Variants in NRCAM observed in about 807,000 individuals in gnomAD.
The protein encoded by NRCAM is NgCAM-related cell adhesion molecule.
In NRCAM, 83 loss-of-function variants were observed where a neutral mutation model predicts 156.5. The ratio of observed to expected loss-of-function variants is 0.53; its 90% CI spans 0.44 to 0.64. The LOEUF (loss-of-function observed/expected upper bound fraction) is 0.64, where lower values mean the gene tolerates loss of function less well. Ranked by LOEUF, NRCAM falls within the 30% of genes least tolerant of loss-of-function variation. NRCAM has a pLI of 0.00. For missense variants in NRCAM, 1,417 were observed against 1,597.3 expected (o/e 0.89, Z 1.92); for synonymous variants, 538 against 563.9 (o/e 0.95, Z 0.65).
At chr7:108,171,540 C>T (rs1161998623) in intron 28 of NRCAM, among the ~76,000 whole-genome samples, 1 of 152,096 alleles carries the variant, frequency 6.6e-6, no homozygotes, top group Non-Finnish European at 1.5e-5. Flanking sequence ...AACTCCCTGA[C>T]TCATCTGACA....
intron 32 of NRCAM, chr7:108,150,870 T>G: frequency 2.5e-6 from 1 of 395,768 alleles, no homozygotes; most frequent in African/African-American, 2.1e-5. Context: ...GCACTTTAAC[T>G]TAAAAGCTCT....
At chr7:108,163,586 A>T (rs922061681) in intron 30 of NRCAM, among the ~76,000 whole-genome samples, 1 of 152,210 alleles carries the variant, frequency 6.6e-6, no homozygotes, top group Non-Finnish European at 1.5e-5. Flanking sequence ...GGCCTCGTGA[A>T]AACAAATCTG....
intron 3 of NRCAM, among the ~76,000 whole-genome samples, chr7:108,292,686 A>G (rs543383100): frequency 2.8e-4 from 43 of 152,296 alleles, no homozygotes; most frequent in African/African-American, 9.9e-4. Context: ...TAAGGTCTGT[A>G]TGCCTCAATT....
intron 1 of NRCAM, among the ~76,000 whole-genome samples, chr7:108,409,974 G>A (rs1050959779): frequency 1.3e-5 from 2 of 152,112 alleles, no homozygotes; most frequent in African/African-American, 4.8e-5. Flanking sequence ...AGCCAAATAT[G>A]TGTCTCACCT....
In NRCAM at chr7:108,234,475, C is replaced by G. The variant is rs1437791956; in HGVS notation, c.230+108G>C. On this transcript the variant is annotated intron_variant, in intron 6 of 32. Transcript: ENST00000379028. ...AAATATCCAACTGAAAAAGGAAGTG[C>G]TCTACATAGTCTGCCTTGTTTGATG... 5 of 705,930 alleles carry G rather than the reference C, an allele frequency of 7.1e-6. No homozygotes were observed. The Admixed American group carries it at 1.3e-4, about 18-fold the overall frequency. 43.7% of individuals were successfully genotyped at this position (705,930 alleles called of 1,614,324 possible).
At chr7:108,367,458 A>G (rs1595338928) in intron 2 of NRCAM, among the ~76,000 whole-genome samples, 2 of 152,190 alleles carry the variant, frequency 1.3e-5, no homozygotes, top group South Asian at 4.1e-4. Context: ...GGTTCCACCT[A>G]TAAAGATCCT....
At chr7:108,182,960 T>C (rs1354198486) in intron 22 of NRCAM, 40 bp from the exon 23 acceptor site, 1 of 1,503,224 alleles carries the variant, frequency 6.7e-7, no homozygotes, top group Non-Finnish European at 9.2e-7. Context: ...ATAACACAAA[T>C]CAACTGCACA....
intron 3 of NRCAM, among the ~76,000 whole-genome samples, chr7:108,265,984 G>A (rs781481377): frequency 9.9e-5 from 15 of 152,220 alleles, no homozygotes; most frequent in Non-Finnish European, 1.8e-4. Flanking sequence ...GAATAGCTCT[G>A]AACTGTGTAA....
At position 108,347,030 on chromosome 7, in the gene NRCAM, C is replaced by G. The variant is rs565515276; in HGVS notation, c.-173-34299G>C. ...TACATATGTGACTCATATTATATTTCTGTTTTTTTTTTTTTTTTTTTTTTT... is the reference window on the plus strand; with the variant it reads ...TACATATGTGACTCATATTATATTTGTGTTTTTTTTTTTTTTTTTTTTTTT... On this transcript the variant is annotated intron_variant, in intron 2 of 32. Transcript: ENST00000379028. 4.7e-3 allele frequency among the ~76,000 whole-genome samples: 414 copies of G among 88,050 alleles called. 10 individuals carry two copies. The Admixed American group carries it at 0.052, about 11-fold the overall frequency. The allele number at this position is 88,050 out of a possible 152,430, so 57.8% of individuals were successfully genotyped here.
intron 2 of NRCAM, chr7:108,328,321 A>G (rs2099091543): frequency 6.6e-6 from 1 of 152,222 alleles, no homozygotes; most frequent in African/African-American, 2.4e-5. Flanking sequence ...TTTTAAACAA[A>G]TCATTAAAAC....
chr7:108,369,040 A>G (rs1177065876), intron 2 of NRCAM, among the ~76,000 whole-genome samples: 1 of 152,206 alleles, frequency 6.6e-6, no homozygotes, highest in Non-Finnish European at 1.5e-5. Flanking sequence ...TACTTAATGT[A>G]TTCTATATAA....
At chr7:108,341,734 C>T (rs1274768289) in intron 2 of NRCAM, among the ~76,000 whole-genome samples, 1 of 152,078 alleles carries the variant, frequency 6.6e-6, no homozygotes, top group Non-Finnish European at 1.5e-5. Flanking sequence ...GACCCGAGGC[C>T]CAACAAAGAC....
At chr7:108,297,548 C>T (rs2098474972) in intron 3 of NRCAM, among the ~76,000 whole-genome samples, 1 of 152,154 alleles carries the variant, frequency 6.6e-6, no homozygotes, top group Non-Finnish European at 1.5e-5. Context: ...TTCATTCATT[C>T]ATTTGTTCAT....
chr7:108,445,995 A>G (rs1843701199), intron 1 of NRCAM, among the ~76,000 whole-genome samples: 1 of 152,156 alleles, frequency 6.6e-6, no homozygotes, highest in Admixed American at 6.5e-5. Context: ...TCAAATTCAG[A>G]GGGTAGAAAG....
intron 2 of NRCAM, among the ~76,000 whole-genome samples, chr7:108,386,034 C>A (rs2099740000): frequency 6.6e-6 from 1 of 151,966 alleles, no homozygotes; most frequent in Non-Finnish European, 1.5e-5. Context: ...GGAGTGGAAC[C>A]CTCAGTTCCG....
chr7:108,190,774 T>C (rs1239018861), intron 19 of NRCAM, among the ~76,000 whole-genome samples: 1 of 152,258 alleles, frequency 6.6e-6, no homozygotes, highest in Non-Finnish European at 1.5e-5. Flanking sequence ...TTTTCTCTGA[T>C]ATAAAAGTTA....
At chr7:108,334,302 T>G (rs1239088464) in intron 2 of NRCAM, among the ~76,000 whole-genome samples, 2 of 152,192 alleles carry the variant, frequency 1.3e-5, no homozygotes, top group Non-Finnish European at 2.9e-5. Flanking sequence ...TCAATAGATG[T>G]AAGACATGAT....
At chr7:108,243,425 T>A (rs2095672543) in intron 3 of NRCAM, among the ~76,000 whole-genome samples, 1 of 152,234 alleles carries the variant, frequency 6.6e-6, no homozygotes, top group Non-Finnish European at 1.5e-5. Context: ...CTCTTGATAT[T>A]GACGTCAATT....
intron 2 of NRCAM, among the ~76,000 whole-genome samples, chr7:108,318,193 C>T (rs183355368): frequency 8.4e-4 from 127 of 151,466 alleles, no homozygotes; most frequent in African/African-American, 2.3e-3. Context: ...CTATAGGCAC[C>T]GGCCACCATG....
Sources: allele counts gnomAD v4.1 joint callset (sites outside exome capture counted in the v4.1 genomes callset), GRCh38; gene constraint gnomAD v4.1.1; transcripts MANE v1.5; gene names NCBI Gene and HGNC (gene_info 2026-07-23, HGNC 2026-07-21).